The following KIAA0825 variants were observed in gnomAD, a reference collection of about 807,000 sequenced individuals.
The protein encoded by KIAA0825 is uncharacterized protein KIAA0825.
A neutral mutation model predicts 147.6 loss-of-function variants in KIAA0825; 119 were observed. The observed-to-expected ratio is 0.81, with a 90% CI of 0.69 to 0.94. The LOEUF (loss-of-function observed/expected upper bound fraction) is 0.94. KIAA0825 is among the 40% of genes least tolerant of loss of function. The pLI is 0.00. For missense variants in KIAA0825, 1,381 were observed against 1,472.7 expected, an observed-to-expected ratio of 0.94 and a Z score of 1.02; for synonymous variants, 470 against 518.1, an observed-to-expected ratio of 0.91 and a Z score of 1.26.
chr5:94,202,011 A>G (rs1271293773), intron 20 of KIAA0825, among the ~76,000 whole-genome samples: 1 of 152,190 alleles, frequency 6.6e-6, no homozygotes, highest in African/African-American at 2.4e-5. Flanking sequence ...AGAGGATGAG[A>G]GTATCTAAGA....
intron 1 of KIAA0825, among the ~76,000 whole-genome samples, chr5:94,608,548 G>C (rs1194022113): frequency 1.8e-5 from 2 of 110,282 alleles, no homozygotes; most frequent in African/African-American, 7.1e-5. Flanking sequence ...TGGCCAGGCT[G>C]TTCTTGAATT....
intron 14 of KIAA0825, among the ~76,000 whole-genome samples, chr5:94,428,380 G>A (rs1268889156): frequency 6.6e-6 from 1 of 152,044 alleles, no homozygotes; most frequent in Non-Finnish European, 1.5e-5. Flanking sequence ...CTGGGAACAG[G>A]TATCTTTATT....
chr5:94,579,472 T>C (rs1781681786), intron 2 of KIAA0825, among the ~76,000 whole-genome samples: 1 of 152,228 alleles, frequency 6.6e-6, no homozygotes, highest in Non-Finnish European at 1.5e-5. Flanking sequence ...ATTTATAGAA[T>C]TGATTGATCT....
chr5:94,401,715 T>A (rs1206228679), intron 16 of KIAA0825, among the ~76,000 whole-genome samples: 2 of 152,094 alleles, frequency 1.3e-5, no homozygotes, highest in Non-Finnish European at 2.9e-5. Context: ...CAAAAAATTG[T>A]ACATCTCTTA....
chr5:94,312,814 G>A (rs919330632), intron 20 of KIAA0825, among the ~76,000 whole-genome samples: 1 of 151,462 alleles, frequency 6.6e-6, no homozygotes, highest in East Asian at 1.9e-4. Flanking sequence ...TAAATTCACC[G>A]GGTCAAATTA....
intron 20 of KIAA0825, among the ~76,000 whole-genome samples, chr5:94,274,566 C>T (rs1003275524): frequency 6.6e-6 from 1 of 152,046 alleles, no homozygotes; most frequent in Non-Finnish European, 1.5e-5. Context: ...TATAAATGAT[C>T]GCCATAATGA....
At chr5:94,563,672 T>C (rs1051528384) in intron 2 of KIAA0825, among the ~76,000 whole-genome samples, 1 of 152,090 alleles carries the variant, frequency 6.6e-6, no homozygotes, top group Non-Finnish European at 1.5e-5. Flanking sequence ...TCTGTGAGCA[T>C]TGCCTTTTTT....
intron 14 of KIAA0825, among the ~76,000 whole-genome samples, chr5:94,417,899 A>G (rs550240112): frequency 3.9e-5 from 6 of 152,288 alleles, no homozygotes; most frequent in East Asian, 1.9e-4. Context: ...AGTTTTATCA[A>G]TTGGTTCCTC....
intron 20 of KIAA0825, among the ~76,000 whole-genome samples, chr5:94,206,624 T>C (rs1356755386): frequency 6.6e-6 from 1 of 152,216 alleles, no homozygotes; most frequent in Non-Finnish European, 1.5e-5. Flanking sequence ...TTCTAATTCT[T>C]GTATCATGAA....
intron 2 of KIAA0825, among the ~76,000 whole-genome samples, chr5:94,537,575 C>CCAG (rs10670311): frequency 0.012 from 1,806 of 149,354 alleles, 35 homozygotes; most frequent in African/African-American, 0.043. Context: ...GGTGTGAACC[C>CCAG]AGATGGAGCT....
chr5:94,251,250 C>T (rs1307501391), intron 20 of KIAA0825, among the ~76,000 whole-genome samples: 1 of 152,056 alleles, frequency 6.6e-6, no homozygotes, highest in Non-Finnish European at 1.5e-5. Flanking sequence ...AGACTGTGTT[C>T]TGTAAAAGAA....
At chr5:94,534,332 GTTA>G (rs990788193) in intron 3 of KIAA0825, among the ~76,000 whole-genome samples, 1 of 152,048 alleles carries the variant, frequency 6.6e-6, no homozygotes, top group African/African-American at 2.4e-5. Flanking sequence ...CTGAACCACA[GTTA>G]TTATTCAGTA....
chr5:94,192,539 T>C (rs921418620), intron 20 of KIAA0825, among the ~76,000 whole-genome samples: 6 of 152,332 alleles, frequency 3.9e-5, no homozygotes, highest in Admixed American at 2.6e-4. Context: ...TGGATTCCGC[T>C]GATTGCAAGG....
At chr5:94,267,290 T>C (rs2150138452) in intron 20 of KIAA0825, among the ~76,000 whole-genome samples, 1 of 152,282 alleles carries the variant, frequency 6.6e-6, no homozygotes, top group Non-Finnish European at 1.5e-5. Flanking sequence ...ATGGTCAGGA[T>C]TGTTGGCTTA....
At chr5:94,466,690 T>C (rs1257494077) in intron 10 of KIAA0825, among the ~76,000 whole-genome samples, 1 of 135,946 alleles carries the variant, frequency 7.4e-6, no homozygotes, top group Non-Finnish European at 1.5e-5. Context: ...TGAGCCGAGA[T>C]CGTGCCACTG....
rs1774150775 is a variant in KIAA0825 at position 94,226,228 on chromosome 5, A to G, written c.3711-72104T>C. Among the ~76,000 whole-genome samples, 3 of 152,256 alleles carry G rather than the reference A, an allele frequency of 2.0e-5. No individual in the cohort carries two copies. The South Asian group carries it at 6.2e-4, about 31-fold the overall frequency. ...AGGATATGAACAGACACTTCTCAAA[A>G]GAAGACATTTATGCAGCCAACAGAC... On this transcript the variant is annotated intron_variant, in intron 20 of 20. Transcript: ENST00000682413.
intron 20 of KIAA0825, among the ~76,000 whole-genome samples, chr5:94,278,542 A>C (rs143899330): frequency 6.6e-6 from 1 of 151,982 alleles, no homozygotes; most frequent in African/African-American, 2.4e-5. Context: ...TTTTTAAAAA[A>C]TGACATGGAT....
intron 5 of KIAA0825, among the ~76,000 whole-genome samples, chr5:94,503,166 G>A (rs1765295933): frequency 6.6e-6 from 1 of 151,354 alleles, no homozygotes; most frequent in East Asian, 1.9e-4. Context: ...TAAAAGTACT[G>A]TAATATGTTT....
chr5:94,232,791 G>A (rs1358345361), intron 20 of KIAA0825, among the ~76,000 whole-genome samples: 3 of 152,020 alleles, frequency 2.0e-5, no homozygotes. Flanking sequence ...TTGCAAGAAA[G>A]ATTCCATAGT....
Sources: allele counts gnomAD v4.1 joint callset (sites outside exome capture counted in the v4.1 genomes callset), GRCh38; gene constraint gnomAD v4.1.1; transcripts MANE v1.5; gene names NCBI Gene and HGNC (gene_info 2026-07-23, HGNC 2026-07-21).